The following FOXP2 variants were observed in gnomAD, a reference collection of about 807,000 sequenced individuals.
FOXP2 encodes forkhead box protein P2.
FOXP2 carries 12 observed loss-of-function variants against 115.8 expected under a neutral mutation model. The observed-to-expected ratio is 0.10, with a 90% CI of 0.07 to 0.17. The LOEUF is 0.17. FOXP2 is among the 10% of genes least tolerant of loss of function. The pLI is 1.00. For missense variants in FOXP2, 629 were observed against 843.5 expected, an observed-to-expected ratio of 0.75 and a Z score of 3.15; for synonymous variants, 328 against 297.7, an observed-to-expected ratio of 1.10 and a Z score of -1.05.
At chr7:114,289,073 G>A (rs1475792234) in intron 2 of FOXP2, among the ~76,000 whole-genome samples, 2 of 151,714 alleles carry the variant, frequency 1.3e-5, no homozygotes, top group South Asian at 4.1e-4. Context: ...AGAGATTTTT[G>A]TCAATGTTCT....
In FOXP2 at chr7:114,609,170, G is replaced by A. The variant is rs553969126; in HGVS notation, c.259-19370G>A. Among the ~76,000 whole-genome samples, 15 of 150,664 alleles carry A rather than the reference G, an allele frequency of 1.0e-4. No homozygotes were observed. The East Asian group carries it at 1.2e-3, about 12-fold the overall frequency. On this transcript the variant is annotated intron_variant, in intron 3 of 16. Coordinates refer to ENST00000350908, the MANE Select transcript of FOXP2 (RefSeq NM_014491.4). The stretch of plus-strand genomic sequence containing the variant: ...GGAGGTTACAGTGAGCTGAGATTGC[G>A]CCACTGCACTCCAGCCTGGATGACA...
intron 6 of FOXP2, among the ~76,000 whole-genome samples, chr7:114,634,019 G>T (rs1362293424): frequency 6.6e-6 from 1 of 150,750 alleles, no homozygotes; most frequent in East Asian, 1.9e-4. Context: ...TTTTTTTGAG[G>T]AGTCTCACTC....
At chr7:114,420,494 A>T (rs1017457993) in intron 1 of FOXP2, among the ~76,000 whole-genome samples, 3 of 151,930 alleles carry the variant, frequency 2.0e-5, no homozygotes, top group Non-Finnish European at 4.4e-5. Flanking sequence ...AAAGACAAGA[A>T]AATCTGTGAC....
At chr7:114,585,100 G>A (rs1485586280) in intron 3 of FOXP2, among the ~76,000 whole-genome samples, 1 of 152,060 alleles carries the variant, frequency 6.6e-6, no homozygotes, top group East Asian at 1.9e-4. Context: ...TTTCTTCCAT[G>A]TCTCATCAAA....
chr7:114,429,495 G>T (rs1368389780), intron 2 of FOXP2, among the ~76,000 whole-genome samples: 1 of 151,440 alleles, frequency 6.6e-6, no homozygotes, highest in African/African-American at 2.4e-5. Flanking sequence ...GCATATTTCA[G>T]ATGTTGTTTT....
intron 1 of FOXP2, among the ~76,000 whole-genome samples, chr7:114,265,014 G>A (rs1262511483): frequency 1.3e-5 from 2 of 152,126 alleles, no homozygotes; most frequent in Non-Finnish European, 2.9e-5. Context: ...AATTGAACAT[G>A]AGATTTGGGC....
chr7:114,163,221 C>T (rs1018430006), intron 1 of FOXP2: 5 of 152,040 alleles, frequency 3.3e-5, no homozygotes, highest in African/African-American at 9.7e-5. Flanking sequence ...TTGGTTGTAA[C>T]TTCTAAGTTT....
At chr7:114,091,618 A>G (rs967203169) in intron 1 of FOXP2, among the ~76,000 whole-genome samples, 1 of 151,870 alleles carries the variant, frequency 6.6e-6, no homozygotes, top group African/African-American at 2.4e-5. Context: ...CCTCAATTTC[A>G]TCTTTAATAC....
chr7:114,337,081 A>G (rs1797870412), intron 2 of FOXP2, among the ~76,000 whole-genome samples: 2 of 151,544 alleles, frequency 1.3e-5, no homozygotes, highest in Admixed American at 6.6e-5. Flanking sequence ...TCTACATTTG[A>G]TATAGATTAT....
intron 2 of FOXP2, among the ~76,000 whole-genome samples, chr7:114,478,328 T>C (rs1174165973): frequency 6.6e-6 from 1 of 151,770 alleles, no homozygotes; most frequent in East Asian, 1.9e-4. Flanking sequence ...TGTTTTTACG[T>C]AGTACAATTT....
Position 114,156,727 on chromosome 7 carries a change from T to G in FOXP2, c.-246-6217T>G, listed in dbSNP as rs977710010. Among the ~76,000 whole-genome samples, 98 of 152,310 alleles carry G rather than the reference T, an allele frequency of 6.4e-4. 1 individual carries two copies. Among genetic ancestry groups the G allele is most frequent in the African/African-American group, 2.3e-3 (97 of 41,574 alleles). Reference sequence around the variant, plus strand: ...GAGAAAAAATCTCTTCAAATATTTTTCAAACTTGACTTTTAGTTGACAGTA... The same window carrying G: ...GAGAAAAAATCTCTTCAAATATTTTGCAAACTTGACTTTTAGTTGACAGTA... On this transcript the variant is annotated intron_variant, in intron 1 of 19. Transcript: ENST00000635638.
upstream of FOXP2, among the ~76,000 whole-genome samples, chr7:114,413,473 G>GT (rs1793217330): frequency 6.6e-6 from 1 of 151,454 alleles, no homozygotes; most frequent in Non-Finnish European, 1.5e-5. Context: ...TTAAATTTTG[G>GT]TTTAAAAAAA....
At chr7:114,179,787 C>G (rs1793410900) in intron 1 of FOXP2, among the ~76,000 whole-genome samples, 1 of 151,894 alleles carries the variant, frequency 6.6e-6, no homozygotes, top group African/African-American at 2.4e-5. Context: ...AAACTGTGGC[C>G]AGATTATTAT....
At chr7:114,541,139 T>C (rs187634148) in intron 3 of FOXP2, among the ~76,000 whole-genome samples, 16 of 152,114 alleles carry the variant, frequency 1.1e-4, no homozygotes, top group Admixed American at 2.0e-4. Flanking sequence ...ATGTTGAGTT[T>C]GAGGAGATGG....
chr7:114,124,125 TA>T (rs1791640064), intron 1 of FOXP2, among the ~76,000 whole-genome samples: 1 of 152,068 alleles, frequency 6.6e-6, no homozygotes, highest in African/African-American at 2.4e-5. Flanking sequence ...ATCCTCTAAC[TA>T]CAGTCAAAAT....
At chr7:114,123,000 A>G (rs184775585) in intron 1 of FOXP2, among the ~76,000 whole-genome samples, 470 of 152,150 alleles carry the variant, frequency 3.1e-3, no homozygotes, top group Middle Eastern at 0.014. Flanking sequence ...ATCATGGTGA[A>G]GTATAGCTTG....
chr7:114,087,915 T>C (rs1030518447), intron 1 of FOXP2: 21 of 152,058 alleles, frequency 1.4e-4, no homozygotes, highest in African/African-American at 5.1e-4. Context: ...CGGGTGCAAG[T>C]CTGGGGATTG....
At chr7:114,505,195 T>C (rs1797749000) in intron 2 of FOXP2, among the ~76,000 whole-genome samples, 1 of 151,514 alleles carries the variant, frequency 6.6e-6, no homozygotes, top group Non-Finnish European at 1.5e-5. Context: ...ATCAAGATTA[T>C]AGGGGGAAGG....
intron 2 of FOXP2, among the ~76,000 whole-genome samples, chr7:114,531,207 G>A (rs1004364099): frequency 2.6e-5 from 4 of 151,750 alleles, no homozygotes; most frequent in South Asian, 2.1e-4. Flanking sequence ...ATTAATTTTT[G>A]TGGGGGAGGG....
Sources: allele counts gnomAD v4.1 joint callset (sites outside exome capture counted in the v4.1 genomes callset), GRCh38; gene constraint gnomAD v4.1.1; transcripts MANE v1.5; gene names NCBI Gene and HGNC (gene_info 2026-07-23, HGNC 2026-07-21).